TRAK1: variants seen among roughly 807,000 people sequenced by gnomAD.
The protein encoded by TRAK1 is trafficking kinesin-binding protein 1.
TRAK1 carries 33 observed loss-of-function variants against 92.1 expected under a neutral mutation model. The observed-to-expected ratio is 0.36, with a 90% CI of 0.27 to 0.48. The LOEUF (loss-of-function observed/expected upper bound fraction) is 0.48. Among genes scored for constraint, TRAK1 ranks in the 20% least tolerant of loss-of-function variants. The pLI is 0.99. For synonymous variants in TRAK1, 521 were observed against 517.3 expected, an observed-to-expected ratio of 1.01 and a Z score of -0.10; for missense variants, 1,123 against 1,257.9, an observed-to-expected ratio of 0.89 and a Z score of 1.62.
intron 1 of TRAK1, among the ~76,000 whole-genome samples, chr3:42,069,092 C>T (rs79464572): frequency 0.069 from 10,531 of 152,150 alleles, 437 homozygotes; most frequent in Non-Finnish European, 0.092. Flanking sequence ...AATCCCAGCA[C>T]TTTGGAAGCT....
rs149454594 is a variant in TRAK1 at position 42,148,504 on chromosome 3, G to A, written c.286+22890G>A. Reference sequence around the variant, plus strand: ...TTTTAAGGAAATAAAACATATGGGTGCATTTATAAGGAAAGTTTTAAAACC... The same window carrying A: ...TTTTAAGGAAATAAAACATATGGGTACATTTATAAGGAAAGTTTTAAAACC... On this transcript the variant is annotated intron_variant, in intron 2 of 15. Coordinates refer to ENST00000327628, the MANE Select transcript of TRAK1 (RefSeq NM_001042646.3). Among the ~76,000 whole-genome samples the A allele has an allele frequency of 4.3e-3, 653 of 152,294 alleles. 7 individuals are homozygous for A. Among genetic ancestry groups the A allele is most frequent in the African/African-American group, 0.015 (614 of 41,574 alleles).
intron 1 of TRAK1, among the ~76,000 whole-genome samples, chr3:42,057,678 G>C (rs1413679495): frequency 2.6e-5 from 4 of 152,054 alleles, no homozygotes; most frequent in Non-Finnish European, 4.4e-5. Context: ...GAACCTGCTG[G>C]AAGGCGAGCA....
intron 2 of TRAK1, among the ~76,000 whole-genome samples, chr3:42,173,679 G>C (rs1702843779): frequency 6.6e-6 from 1 of 152,128 alleles, no homozygotes; most frequent in Non-Finnish European, 1.5e-5. Flanking sequence ...GACTGGCCTC[G>C]GTGCAGTCTC....
At chr3:42,171,365 G>A (rs1271333468) in intron 2 of TRAK1, among the ~76,000 whole-genome samples, 4 of 152,132 alleles carry the variant, frequency 2.6e-5, no homozygotes, top group African/African-American at 9.7e-5. Flanking sequence ...TACATGAATG[G>A]GAAGTGAGGT....
chr3:42,182,166 G>A (rs75930067), intron 3 of TRAK1, among the ~76,000 whole-genome samples: 10,128 of 152,048 alleles, frequency 0.067, 346 homozygotes, highest in Middle Eastern at 0.085. Context: ...CATCTCTGTT[G>A]ATGGGGCAGA....
At chr3:42,157,457 C>CAAAAAAAAAAAAAAAAAAAAAAAAAAAAA (rs60622565) in intron 2 of TRAK1, among the ~76,000 whole-genome samples, 1 of 31,112 alleles carries the variant, frequency 3.2e-5, no homozygotes, top group Non-Finnish European at 5.4e-5. Context: ...GACCCTGTCT[C>CAAAAAAAAAAAAAAAAAAAAAAAAAAAAA]AAAAAAAAAA....
intron 14 of TRAK1, chr3:42,217,616 G>T (rs1577064137): frequency 1.0e-6 from 1 of 985,234 alleles, no homozygotes; most frequent in Non-Finnish European, 1.2e-6. Context: ...TTTAAATGGG[G>T]GTATGCTTCT....
At chr3:42,194,321 C>T (rs1326526607) in intron 9 of TRAK1, among the ~76,000 whole-genome samples, 1 of 152,018 alleles carries the variant, frequency 6.6e-6, no homozygotes, top group East Asian at 1.9e-4. Flanking sequence ...CATGGCTCAC[C>T]GCAGCCTCGA....
At position 42,065,827 on chromosome 3, in the gene TRAK1, A is replaced by G. The variant is rs190199171; in HGVS notation, c.-518-21277A>G. 3.3e-5 allele frequency among the ~76,000 whole-genome samples: 5 copies of G among 151,734 alleles called. No homozygotes were observed. In the East Asian group the frequency reaches 5.9e-4, roughly 18 times the overall value. On this transcript the variant is annotated intron_variant, in intron 1 of 16. Transcript: ENST00000487159. ...AATTTTTTTATAGAAATGGTGTTCC[A>G]CTATGTTTCCCAGGCTGGTCTCCAA... is the stretch of plus-strand genomic sequence containing the variant.
intron 15 of TRAK1, chr3:42,220,734 A>AG: frequency 2.3e-6 from 1 of 431,156 alleles, no homozygotes. Flanking sequence ...TTGATGGTCG[A>AG]TGCCCCTAAC....
chr3:42,094,824 G>A (rs933551496), intron 1 of TRAK1, among the ~76,000 whole-genome samples: 1 of 152,224 alleles, frequency 6.6e-6, no homozygotes, highest in Non-Finnish European at 1.5e-5. Context: ...ACAAGTCCAA[G>A]ATGTGCAGTT....
chr3:42,135,315 G>A (rs2149190982), intron 2 of TRAK1, among the ~76,000 whole-genome samples: 1 of 152,216 alleles, frequency 6.6e-6, no homozygotes, highest in East Asian at 1.9e-4. Context: ...GGAGGAATGT[G>A]CTGCTGCTGT....
chr3:42,089,630 C>CCCCT (rs1704882056), upstream of TRAK1, among the ~76,000 whole-genome samples: 1 of 151,764 alleles, frequency 6.6e-6, no homozygotes, highest in Non-Finnish European at 1.5e-5. Flanking sequence ...TCCTTATGAC[C>CCCCT]CCCTCTTCCT....
intron 13 of TRAK1, chr3:42,203,310 G>A (rs779491339): frequency 3.0e-6 from 3 of 990,088 alleles, no homozygotes; most frequent in African/African-American, 1.7e-5. Context: ...TGTTCTGAGC[G>A]CGGCTCCTAG....
intron 1 of TRAK1, among the ~76,000 whole-genome samples, chr3:42,093,100 C>T (rs994216346): frequency 3.3e-5 from 5 of 151,830 alleles, no homozygotes; most frequent in African/African-American, 1.2e-4. Context: ...ATTAATGAAA[C>T]AGAAAAGAAT....
intron 15 of TRAK1, among the ~76,000 whole-genome samples, chr3:42,222,318 A>G (rs1710439059): frequency 6.6e-6 from 1 of 152,094 alleles, no homozygotes; most frequent in Non-Finnish European, 1.5e-5. Flanking sequence ...GGATATAAAG[A>G]GGGTTAAGGG....
At chr3:42,198,682 G>T (rs908049966) in intron 10 of TRAK1, among the ~76,000 whole-genome samples, 1 of 152,114 alleles carries the variant, frequency 6.6e-6, no homozygotes, top group Admixed American at 6.5e-5. Flanking sequence ...TCTATTCTTG[G>T]TGTCAGAATC....
intron 2 of TRAK1, among the ~76,000 whole-genome samples, chr3:42,136,116 T>C (rs1386484032): frequency 6.6e-6 from 1 of 152,202 alleles, no homozygotes; most frequent in Non-Finnish European, 1.5e-5. Flanking sequence ...TCATGGAACC[T>C]CTGTGTACTT....
chr3:42,224,168 G>C lies in TRAK1; in HGVS notation c.*431G>C, dbSNP rs992484667. ...GCGGCACGGGTCATAACACATCTGG[G>C]TGTCATCGGACACCTCACCTCGCCC... On this transcript the variant is annotated 3_prime_UTR_variant, in exon 16 of 16. Coordinates refer to ENST00000327628, the MANE Select transcript of TRAK1 (RefSeq NM_001042646.3). 2 of 445,592 alleles carry C rather than the reference G, an allele frequency of 4.5e-6. No individual in the cohort carries two copies. Among genetic ancestry groups the C allele is most frequent in the Non-Finnish European group, 8.9e-6 (2 of 223,950 alleles). The allele number at this position is 445,592 out of a possible 1,614,324, so 27.6% of individuals were successfully genotyped here.
Sources: gnomAD v4.1 joint callset for allele counts (sites outside exome capture counted in the v4.1 genomes callset) on GRCh38, gnomAD v4.1.1 for gene constraint, MANE v1.5 for transcripts, NCBI Gene and HGNC (gene_info 2026-07-23, HGNC 2026-07-21) for gene names.